Variants in CHD7 observed in about 807,000 individuals in gnomAD.
CHD7 encodes ATP-dependent chromatin remodeler CHD7.
Under a neutral mutation model 307.3 loss-of-function variants are expected in CHD7, and 24 were observed. That is an observed-to-expected ratio of 0.08 (90% CI 0.06 to 0.11). CHD7 has a LOEUF of 0.11. Among genes scored for constraint, CHD7 ranks in the 10% least tolerant of loss-of-function variants. The pLI is 1.00. For missense variants in CHD7, 3,106 were observed against 3,727.1 expected, an observed-to-expected ratio of 0.83 and a Z score of 4.34; for synonymous variants, 1,363 against 1,349.9, an observed-to-expected ratio of 1.01 and a Z score of -0.21.
intron 1 of CHD7, among the ~76,000 whole-genome samples, chr8:60,685,479 G>C (rs1007253364): frequency 3.3e-5 from 5 of 152,158 alleles, no homozygotes; most frequent in Non-Finnish European, 5.9e-5. Flanking sequence ...TCTGTTGCTA[G>C]TCACATATTA....
intron 34 of CHD7, among the ~76,000 whole-genome samples, chr8:60,858,837 T>C (rs1805836456): frequency 6.6e-6 from 1 of 152,232 alleles, no homozygotes; most frequent in Non-Finnish European, 1.5e-5. Flanking sequence ...CTCAAACTTC[T>C]GGGCTCAAGT....
chr8:60,700,329 A>G (rs144776575), intron 1 of CHD7, among the ~76,000 whole-genome samples: 161 of 152,272 alleles, frequency 1.1e-3, no homozygotes, highest in Non-Finnish European at 1.9e-3. Context: ...ATAACTGCTG[A>G]TGATTGTTCT....
intron 8 of CHD7, among the ~76,000 whole-genome samples, chr8:60,819,355 A>T (rs1360879078): frequency 6.6e-6 from 1 of 152,206 alleles, no homozygotes; most frequent in Non-Finnish European, 1.5e-5. Context: ...TATTGGTTAA[A>T]TGAGCCAATT....
At chr8:60,830,165 T>G (rs1445361108) in intron 14 of CHD7, among the ~76,000 whole-genome samples, 157 bp from the exon 15 acceptor site, 2 of 152,244 alleles carry the variant, frequency 1.3e-5, no homozygotes, top group African/African-American at 4.8e-5. Flanking sequence ...ACTGCTCTTA[T>G]GAAAGCTGAG....
At chr8:60,817,539 C>T (rs1803808028) in intron 8 of CHD7, among the ~76,000 whole-genome samples, 1 of 152,204 alleles carries the variant, frequency 6.6e-6, no homozygotes, top group African/African-American at 2.4e-5. Context: ...TTACTGGACA[C>T]ATGTCTGCAT....
chr8:60,738,212 G>A (rs1808802653), intron 1 of CHD7, among the ~76,000 whole-genome samples: 1 of 152,184 alleles, frequency 6.6e-6, no homozygotes, highest in Admixed American at 6.5e-5. Context: ...TGTACTGTAA[G>A]TGTAAATTAC....
At chr8:60,769,407 T>C (rs1349747475) in intron 2 of CHD7, among the ~76,000 whole-genome samples, 1 of 152,202 alleles carries the variant, frequency 6.6e-6, no homozygotes, top group Non-Finnish European at 1.5e-5. Context: ...ATTAAAGCTT[T>C]AGTACTTTTA....
chr8:60,819,188 C>T (rs941012745), intron 8 of CHD7, among the ~76,000 whole-genome samples: 2 of 152,084 alleles, frequency 1.3e-5, no homozygotes, highest in East Asian at 1.9e-4. Flanking sequence ...CTCCTGACCT[C>T]GTGATCCGCC....
intron 15 of CHD7, 102 bp downstream of exon 15, chr8:60,830,679 G>A: frequency 2.3e-6 from 3 of 1,319,682 alleles, no homozygotes; most frequent in Non-Finnish European, 3.1e-6. Context: ...AGTCATTCCT[G>A]TCTCCTGTCC....
At chr8:60,789,526 C>A (rs1454822611) in intron 3 of CHD7, among the ~76,000 whole-genome samples, 1 of 152,220 alleles carries the variant, frequency 6.6e-6, no homozygotes, top group Non-Finnish European at 1.5e-5. Context: ...TCCAGACATT[C>A]TCATTAGCTG....
In CHD7 at chr8:60,852,241, G is replaced by A. The variant is rs550425758; in HGVS notation, c.5888G>A (p.Arg1963Gln). 21 of 1,611,686 alleles carry A rather than the reference G, an allele frequency of 1.3e-5. No individual in the cohort carries two copies. In the South Asian group the frequency reaches 1.4e-4, roughly 11 times the overall value. Residue 1963 changes from arginine to glutamine, a missense_variant, in exon 29 of 38, where the codon CGG (arginine) becomes CAG (glutamine). By Grantham distance (43) the Arg-to-Gln change is conservative. Around this residue, in one of 10 missense-constraint regions of CHD7, gnomAD observed 1,030 missense variants for 1,165.4 expected, o/e 0.88. Coordinates refer to ENST00000423902, the MANE Select transcript of CHD7 (RefSeq NM_017780.4). ...AGGGAAGCTATTATATCTGAGAAGC[G>A]GCAAAAGTGAGTTTCTTCAAGGTTT... is the stretch of plus-strand genomic sequence containing the variant. ...AEREAIISEK[R>Q]QKWTRREEAD...
rs773640459 is a variant in CHD7, at chr8:60,794,961, C to T, written c.2097-25C>T. The T allele has an allele frequency of 5.0e-6, 8 of 1,604,636 alleles. No homozygotes were observed. The Middle Eastern group carries it at 8.3e-4, about 166-fold the overall frequency. ...TGCAGAAACACATTAAAAGTGAACA[C>T]TAAGCGATCCACTTTGAATTCTAGT... On this transcript the variant is annotated intron_variant, in intron 3 of 37. Transcript: ENST00000423902.
intron 19 of CHD7, among the ~76,000 whole-genome samples, chr8:60,839,993 G>A (rs767426008): frequency 2.0e-5 from 3 of 152,134 alleles, no homozygotes; most frequent in Non-Finnish European, 4.4e-5. Flanking sequence ...GCCTACTCTG[G>A]ACGGTGGGCA....
At chr8:60,684,838 A>G (rs1347739881) in intron 1 of CHD7, among the ~76,000 whole-genome samples, 2 of 152,204 alleles carry the variant, frequency 1.3e-5, no homozygotes, top group African/African-American at 4.8e-5. Flanking sequence ...CAGAGAGGAC[A>G]ATAGGTTGTA....
chr8:60,854,566 AT>A, intron 32 of CHD7, 43 bp downstream of exon 32: 1 of 1,521,132 alleles, frequency 6.6e-7, no homozygotes, highest in Non-Finnish European at 8.9e-7. Flanking sequence ...ACCAAAAAGG[AT>A]TAGGGTAGAG....
At chr8:60,848,037 G>T (rs1249506516) in intron 23 of CHD7, among the ~76,000 whole-genome samples, 1 of 152,046 alleles carries the variant, frequency 6.6e-6, no homozygotes. Context: ...TTATTGTAAG[G>T]TAGTAAAACC....
intron 8 of CHD7, among the ~76,000 whole-genome samples, chr8:60,818,288 CA>C (rs1464086640): frequency 3.9e-5 from 6 of 152,196 alleles, no homozygotes; most frequent in Non-Finnish European, 5.9e-5. Context: ...AATGTCTATT[CA>C]AAAACATCAT....
chr8:60,684,926 A>T (rs533773951), intron 1 of CHD7, among the ~76,000 whole-genome samples: 2 of 152,314 alleles, frequency 1.3e-5, no homozygotes, highest in East Asian at 1.9e-4. Context: ...GGTGGTGGCC[A>T]TGGGGATGGA....
chr8:60,693,543 C>T (rs1161775844), intron 1 of CHD7, among the ~76,000 whole-genome samples: 1 of 152,188 alleles, frequency 6.6e-6, no homozygotes, highest in East Asian at 1.9e-4. Context: ...GGCAAGGTTG[C>T]CCTGTGCCTG....
Sources: allele counts gnomAD v4.1 joint callset (sites outside exome capture counted in the v4.1 genomes callset), GRCh38; gene constraint gnomAD v4.1.1; regional missense constraint gnomAD v4.1.1; transcripts MANE v1.5; gene names NCBI Gene and HGNC (gene_info 2026-07-23, HGNC 2026-07-21).